Variants in TMEM168 observed in about 807,000 individuals in gnomAD.
TMEM168 encodes transmembrane protein 168.
In TMEM168, 40 loss-of-function variants were observed where a neutral mutation model predicts 53.2. The ratio of observed to expected loss-of-function variants is 0.75; its 90% confidence interval spans 0.58 to 0.98. TMEM168 has a LOEUF of 0.98. TMEM168 is among the 50% of genes least tolerant of loss of function. The pLI, the probability that TMEM168 is intolerant of heterozygous loss-of-function variation, is 0.00. For synonymous variants in TMEM168, 282 were observed against 293.0 expected, an observed-to-expected ratio of 0.96 and a Z score of 0.38; for missense variants, 771 against 828.8, an observed-to-expected ratio of 0.93 and a Z score of 0.86.
In TMEM168 at chr7:112,766,256, T is replaced by C. The variant is rs986210083; in HGVS notation, c.*941A>G. Reference sequence around the variant, plus strand: ...TTGTTTCCTATCCTCTGACCTTCAGTAGAAAAAAAATGTTATCACTAACAA... The same window carrying C: ...TTGTTTCCTATCCTCTGACCTTCAGCAGAAAAAAAATGTTATCACTAACAA... On this transcript the variant is annotated 3_prime_UTR_variant, in exon 5 of 5. Coordinates refer to ENST00000312814, the MANE Select transcript of TMEM168 (RefSeq NM_022484.6). 3.9e-5 allele frequency: 6 copies of C among 152,280 alleles called. No individual in the cohort carries two copies. Among genetic ancestry groups the C allele is most frequent in the African/African-American group, 1.2e-4 (5 of 41,416 alleles). The allele number at this position is 152,280 out of a possible 1,614,324, so 9.4% of individuals were successfully genotyped here. A position where few individuals can be genotyped will look rare whatever the true frequency, so the allele number is the denominator to read the frequency against.
In TMEM168 at chr7:112,763,037, T is replaced by A. The variant is rs1792698207; in HGVS notation, c.*4160A>T. The stretch of plus-strand genomic sequence containing the variant: ...AGTCAGACTTTTAATAATTTCCATT[T>A]CTGGTAAATTTCCAATCTGTCTAGA... On this transcript the variant is annotated 3_prime_UTR_variant, in exon 5 of 5. Transcript: ENST00000312814. The A allele has an allele frequency of 2.0e-5, 3 of 152,196 alleles. No individual in the cohort carries two copies. The South Asian group carries it at 6.2e-4, about 32-fold the overall frequency. The allele number at this position is 152,196 out of a possible 1,614,324, so 9.4% of individuals were successfully genotyped here.
chr7:112,773,167 A>G lies in TMEM168; in HGVS notation c.1272-112T>C, dbSNP rs143082786. 1.1e-3 allele frequency: 1,341 copies of G among 1,177,816 alleles called. 6 individuals carry two copies. The African/African-American group carries it at 0.017, about 15-fold the overall frequency. The allele number at this position is 1,177,816 out of a possible 1,614,324, so 73.0% of individuals were successfully genotyped here. ...AATATAGTTGCTGCTAAGTGGCAGG[A>G]TTTTTGTAAAAAATCACCCTTTCTA... On this transcript the variant is annotated intron_variant, in intron 3 of 4. Coordinates refer to ENST00000312814, the MANE Select transcript of TMEM168 (RefSeq NM_022484.6).
At chr7:112,776,185 T>C (rs991203609) in intron 2 of TMEM168, among the ~76,000 whole-genome samples, 2 of 152,002 alleles carry the variant, frequency 1.3e-5, no homozygotes, top group African/African-American at 2.4e-5. Context: ...TTATATGATA[T>C]AGTTTACCTT....
At chr7:112,771,290 G>C (rs1207940751) in intron 4 of TMEM168, among the ~76,000 whole-genome samples, 1 of 152,130 alleles carries the variant, frequency 6.6e-6, no homozygotes, top group Non-Finnish European at 1.5e-5. Context: ...GAGGCAACAT[G>C]GTAGAGTGGG....
chr7:112,772,545 G>GT (rs1442270142), intron 4 of TMEM168, among the ~76,000 whole-genome samples: 4 of 152,174 alleles, frequency 2.6e-5, no homozygotes, highest in Non-Finnish European at 5.9e-5. Flanking sequence ...AAGGGAAACT[G>GT]TAAGTCTCAA....
intron 1 of TMEM168, among the ~76,000 whole-genome samples, chr7:112,786,402 G>A (rs1461192781): frequency 6.6e-6 from 1 of 152,006 alleles, no homozygotes; most frequent in South Asian, 2.1e-4. Context: ...GCTTTTATAC[G>A]TTCAACAAGC....
chr7:112,784,451 A>G lies in TMEM168; in HGVS notation c.375T>C (p.Tyr125=), dbSNP rs1476827459. The change falls in exon 2 of 5, where the codon TAT becomes TAC. Residue 125 remains tyrosine (Y), a synonymous_variant. Transcript: ENST00000312814. ...TTAACACTATGGATGTTAGAAGCAAATATTTGGTTGATTCTTCTTTTACAT... is the reference window on the plus strand; with the variant it reads ...TTAACACTATGGATGTTAGAAGCAAGTATTTGGTTGATTCTTCTTTTACAT... ...KNDVKEESTK[Y]LLLTSIVLRI... 5.0e-6 allele frequency: 8 copies of G among 1,614,016 alleles called. No homozygotes were observed. The highest frequency in any genetic ancestry group is 6.8e-6 in the Non-Finnish European group (8 of 1,179,970).
In TMEM168 at chr7:112,786,191, G is replaced by A. The variant is rs186818483; in HGVS notation, c.-128-1238C>T. On this transcript the variant is annotated intron_variant, in intron 1 of 4. Coordinates refer to ENST00000312814, the MANE Select transcript of TMEM168 (RefSeq NM_022484.6). ...GACTCCAGCCTGGGGGATAGAGCGA[G>A]ACTCTGCCTCCAAAAATAAACAAAA... Among the ~76,000 whole-genome samples the A allele has an allele frequency of 9.3e-4, 141 of 152,252 alleles. 1 individual carries two copies. Among genetic ancestry groups the A allele is most frequent in the Non-Finnish European group, 1.5e-3 (101 of 68,008 alleles).
chr7:112,776,269 A>G (rs947701892), intron 2 of TMEM168, among the ~76,000 whole-genome samples: 14 of 152,180 alleles, frequency 9.2e-5, no homozygotes, highest in Admixed American at 9.2e-4. Flanking sequence ...TAAGCATTGT[A>G]AAAGCAGAAT....
At chr7:112,787,063 C>G (rs1191051833) in intron 1 of TMEM168, among the ~76,000 whole-genome samples, 1 of 152,166 alleles carries the variant, frequency 6.6e-6, no homozygotes, top group Non-Finnish European at 1.5e-5. Flanking sequence ...CAGACTCTCT[C>G]CTCTCTCTGC....
Position 112,784,324 on chromosome 7 carries a change from C to T in TMEM168, c.502G>A (p.Ala168Thr). The T allele has an allele frequency of 6.2e-7, 1 of 1,614,170 alleles. No individual in the cohort carries two copies. Among genetic ancestry groups the T allele is most frequent in the Non-Finnish European group, 8.5e-7 (1 of 1,180,020 alleles). The change falls in exon 2 of 5, where the codon GCC (alanine) becomes ACC (threonine). Residue 168 changes from alanine (A) to threonine (T), a missense_variant. Physicochemically the swap from Ala to Thr is moderately conservative, Grantham distance 58 (BLOSUM62 0). Transcript: ENST00000312814. ...TTCTCCACCAACATAGTTGTGCTGG[C>T]AATGGCAAATCCAACAAGCTCCAGA... is the stretch of plus-strand genomic sequence containing the variant. The part of the protein sequence containing the change: ...EFLELVGFAI[A>T]STTMLVEKSL...
chr7:112,777,777 C>A (rs760767264), intron 2 of TMEM168, among the ~76,000 whole-genome samples: 14 of 151,910 alleles, frequency 9.2e-5, no homozygotes, highest in Non-Finnish European at 1.3e-4. Context: ...ATGTCCTGAT[C>A]TCTCCTTTTA....
chr7:112,786,375 GTAT>G (rs1793380487), intron 1 of TMEM168, among the ~76,000 whole-genome samples: 1 of 152,066 alleles, frequency 6.6e-6, no homozygotes, highest in Non-Finnish European at 1.5e-5. Context: ...GAAGTTCCGA[GTAT>G]TATTACTTAT....
Position 112,763,905 on chromosome 7 carries a change from C to G in TMEM168, c.*3292G>C, listed in dbSNP as rs1198129467. The G allele has an allele frequency of 6.6e-6, 1 of 151,986 alleles. No individual in the cohort carries two copies. The highest frequency in any genetic ancestry group is 2.4e-5 in the African/African-American group (1 of 41,404). 9.4% of individuals were successfully genotyped at this position (151,986 alleles called of 1,614,324 possible). On this transcript the variant is annotated 3_prime_UTR_variant, in exon 5 of 5. Coordinates refer to ENST00000312814, the MANE Select transcript of TMEM168 (RefSeq NM_022484.6). ...ATAAGAATAATCCTCTGAAATGCATCTTTTCCAAAGAATTTTGAATTTATT... is the reference window on the plus strand; with the variant it reads ...ATAAGAATAATCCTCTGAAATGCATGTTTTCCAAAGAATTTTGAATTTATT...
intron 2 of TMEM168, among the ~76,000 whole-genome samples, chr7:112,776,003 G>GA (rs1163799046): frequency 1.3e-5 from 2 of 151,720 alleles, no homozygotes; most frequent in East Asian, 3.9e-4. Flanking sequence ...TGAAAAAGCA[G>GA]AAAAAATACT....
intron 1 of TMEM168, among the ~76,000 whole-genome samples, chr7:112,786,118 C>T (rs1025272741): frequency 6.6e-6 from 1 of 152,154 alleles, no homozygotes; most frequent in Admixed American, 6.5e-5. Context: ...AGGAGAATCG[C>T]TTGAACCCAG....
At chr7:112,788,769 C>T (rs139281452) in intron 1 of TMEM168, among the ~76,000 whole-genome samples, 292 of 152,290 alleles carry the variant, frequency 1.9e-3, no homozygotes, top group African/African-American at 6.5e-3. Context: ...TTAATCCTCA[C>T]CAAGTCCTGT....
rs535356839 is a variant in TMEM168, at chr7:112,782,002, G to A, written c.1128+1696C>T. ...TTTCCAAATCATTTATCTGACAAAG[G>A]GCTCGTATCCAGAATATATAAGGAA... On this transcript the variant is annotated intron_variant, in intron 2 of 4. Coordinates refer to ENST00000312814, the MANE Select transcript of TMEM168 (RefSeq NM_022484.6). Among the ~76,000 whole-genome samples the A allele has an allele frequency of 1.1e-4, 16 of 152,168 alleles. No homozygotes were observed. In the South Asian group the frequency reaches 3.3e-3, roughly 31 times the overall value.
In TMEM168 at chr7:112,767,045, T is replaced by C; in HGVS notation, c.*152A>G. 1 of 760,052 alleles carries C rather than the reference T, an allele frequency of 1.3e-6. No homozygotes were observed. Among genetic ancestry groups the C allele is most frequent in the Non-Finnish European group, 2.1e-6 (1 of 485,068 alleles). The allele number at this position is 760,052 out of a possible 1,614,324, so 47.1% of individuals were successfully genotyped here. A position where few individuals can be genotyped will look rare whatever the true frequency, so the allele number is the denominator to read the frequency against. On this transcript the variant is annotated 3_prime_UTR_variant, in exon 5 of 5. Transcript: ENST00000312814. ...AAATGTTTTTTCCCAACGCCTTATA[T>C]ATACCATAATTACTTAAGAAAAGAC...
Sources: gnomAD v4.1 joint callset for allele counts (sites outside exome capture counted in the v4.1 genomes callset) on GRCh38, gnomAD v4.1.1 for gene constraint, MANE v1.5 for transcripts, NCBI Gene and HGNC (gene_info 2026-07-23, HGNC 2026-07-21) for gene names.